The following WDPCP variants were observed in gnomAD, a reference collection of about 807,000 sequenced individuals.
WDPCP encodes WD repeat containing planar cell polarity effector.
In WDPCP, 71 loss-of-function variants were observed where a neutral mutation model predicts 93.1. The observed-to-expected ratio is 0.76, with a 90% confidence interval of 0.63 to 0.93. WDPCP has a LOEUF of 0.93. Ranked by LOEUF, WDPCP falls within the 40% of genes least tolerant of loss-of-function variation. The pLI is 0.00. For synonymous variants in WDPCP, 315 were observed against 315.0 expected, an observed-to-expected ratio of 1.00 and a Z score of 0.00; for missense variants, 844 against 887.4, an observed-to-expected ratio of 0.95 and a Z score of 0.62.
chr2:63,275,838 A>G (rs1211069359), intron 13 of WDPCP, among the ~76,000 whole-genome samples: 2 of 152,314 alleles, frequency 1.3e-5, no homozygotes, highest in East Asian at 3.9e-4. Flanking sequence ...AGGAGGCAGG[A>G]CTAGCTTGCA....
intron 2 of WDPCP, among the ~76,000 whole-genome samples, chr2:63,655,360 A>C (rs916920525): frequency 6.6e-6 from 1 of 152,134 alleles, no homozygotes; most frequent in Non-Finnish European, 1.5e-5. Flanking sequence ...CTTCTGCCAC[A>C]GAAATTCTAG....
At chr2:63,569,318 G>A (rs1707301858) in intron 1 of WDPCP, among the ~76,000 whole-genome samples, 1 of 152,196 alleles carries the variant, frequency 6.6e-6, no homozygotes, top group Non-Finnish European at 1.5e-5. Flanking sequence ...GGAAAAAGAA[G>A]AATGCAATTG....
intron 12 of WDPCP, among the ~76,000 whole-genome samples, chr2:63,325,369 T>A (rs925194021): frequency 6.6e-6 from 1 of 152,154 alleles, no homozygotes; most frequent in Non-Finnish European, 1.5e-5. Context: ...CAGAGTGCAA[T>A]GGTTCTCTGG....
chr2:63,297,539 C>T (rs1575085650), intron 13 of WDPCP, among the ~76,000 whole-genome samples: 1 of 152,258 alleles, frequency 6.6e-6, no homozygotes, highest in South Asian at 2.1e-4. Context: ...AGGAGCATTT[C>T]AGCCAGATGC....
chr2:63,817,622 C>T (rs1284739095), intron 1 of WDPCP, among the ~76,000 whole-genome samples: 6 of 152,178 alleles, frequency 3.9e-5, no homozygotes, highest in African/African-American at 1.4e-4. Flanking sequence ...GCTGCTTTCA[C>T]TCTACAAAGG....
chr2:63,450,869 C>G, intron 6 of WDPCP, among the ~76,000 whole-genome samples: 1 of 151,984 alleles, frequency 6.6e-6, no homozygotes, highest in South Asian at 2.1e-4. Flanking sequence ...AAAACAAATT[C>G]AAAAAACTGG....
intron 14 of WDPCP, among the ~76,000 whole-genome samples, chr2:63,223,556 G>A (rs191121931): frequency 8.0e-4 from 122 of 152,242 alleles, no homozygotes; most frequent in Middle Eastern, 6.8e-3. Context: ...AAGTGGGCAA[G>A]GATTGAGTGA....
At chr2:63,564,409 T>A (rs1449256878) in intron 1 of WDPCP, 1 of 152,140 alleles carries the variant, frequency 6.6e-6, no homozygotes, top group Non-Finnish European at 1.5e-5. Flanking sequence ...TCAGCCACAG[T>A]TTTTCTGCTT....
chr2:63,240,424 C>T (rs1312464459), intron 14 of WDPCP, among the ~76,000 whole-genome samples: 1 of 152,090 alleles, frequency 6.6e-6, no homozygotes, highest in Non-Finnish European at 1.5e-5. Flanking sequence ...GCTATCCTCC[C>T]ACCTTGGCCT....
intron 2 of WDPCP, among the ~76,000 whole-genome samples, chr2:63,727,490 T>C (rs1669509023): frequency 2.0e-5 from 3 of 152,212 alleles, no homozygotes. Context: ...TCATCAGGGA[T>C]ATTGGCCTGA....
At chr2:63,354,345 C>T (rs537912108) in intron 12 of WDPCP, among the ~76,000 whole-genome samples, 1 of 152,312 alleles carries the variant, frequency 6.6e-6, no homozygotes, top group South Asian at 2.1e-4. Context: ...CTATGAGGTC[C>T]CTTCCTCTGC....
chr2:63,522,239 G>A (rs1702988836), intron 1 of WDPCP, among the ~76,000 whole-genome samples: 2 of 149,604 alleles, frequency 1.3e-5, no homozygotes, highest in Admixed American at 6.7e-5. Context: ...TGTTCTCATT[G>A]TTCAACTTCC....
rs1273295882 is a variant in WDPCP, at chr2:63,404,450, T to G, written c.1033A>C (p.Arg345=). Residue 345 remains arginine, a synonymous_variant, in exon 10 of 18, where the codon AGG becomes CGG. Coordinates refer to ENST00000272321, the MANE Select transcript of WDPCP (RefSeq NM_015910.7). ...ATCAGTTTGTCTTCAGTAACATTCC[T>G]GCAGCAGCTGATGGCCTTTGACTTT... ...PLKSKAISCC[R]NVTEDKLILG... The G allele has an allele frequency of 6.2e-7, 1 of 1,614,050 alleles. No homozygotes were observed. Among genetic ancestry groups the G allele is most frequent in the African/African-American group, 1.3e-5 (1 of 74,940 alleles).
chr2:63,485,635 G>A (rs1358413198), intron 4 of WDPCP, among the ~76,000 whole-genome samples: 1 of 151,330 alleles, frequency 6.6e-6, no homozygotes, highest in African/African-American at 2.4e-5. Context: ...TTAAGTGAAG[G>A]ATAAAATTAT....
intron 3 of WDPCP, among the ~76,000 whole-genome samples, chr2:63,646,906 T>G (rs940673084): frequency 1.4e-4 from 22 of 152,248 alleles, no homozygotes; most frequent in African/African-American, 5.1e-4. Context: ...TTAAATCTGC[T>G]TGGTGTTCTA....
chr2:63,713,303 G>A (rs1370791747), intron 2 of WDPCP, among the ~76,000 whole-genome samples: 1 of 152,056 alleles, frequency 6.6e-6, no homozygotes, highest in Non-Finnish European at 1.5e-5. Context: ...TCCAAGGGCT[G>A]TACCTCCCTT....
At chr2:63,697,227 G>T (rs994601024) in intron 2 of WDPCP, among the ~76,000 whole-genome samples, 11 of 152,076 alleles carry the variant, frequency 7.2e-5, no homozygotes, top group African/African-American at 2.7e-4. Flanking sequence ...GGCAAATGTT[G>T]ACTCACTTAA....
intron 13 of WDPCP, among the ~76,000 whole-genome samples, chr2:63,261,131 A>G (rs922014760): frequency 6.6e-6 from 1 of 152,032 alleles, no homozygotes; most frequent in Non-Finnish European, 1.5e-5. Context: ...TTGAATTGCA[A>G]GTAATGTCAG....
intron 2 of WDPCP, among the ~76,000 whole-genome samples, chr2:63,718,735 G>A (rs998352559): frequency 6.6e-6 from 1 of 151,904 alleles, no homozygotes; most frequent in South Asian, 2.1e-4. Context: ...CTTGTGCTTT[G>A]TAGAAGTCTG....
Sources: gnomAD v4.1 joint callset for allele counts (sites outside exome capture counted in the v4.1 genomes callset) on GRCh38, gnomAD v4.1.1 for gene constraint, MANE v1.5 for transcripts, NCBI Gene and HGNC (gene_info 2026-07-23, HGNC 2026-07-21) for gene names.